KCNQ1: variants seen among roughly 807,000 people sequenced by gnomAD.
The protein encoded by KCNQ1 is potassium voltage-gated channel subfamily KQT member 1.
Under a neutral mutation model 72.4 loss-of-function variants are expected in KCNQ1, and 49 were observed. The observed-to-expected ratio is 0.68, with a 90% confidence interval of 0.54 to 0.86. The LOEUF is 0.86. Among genes scored for constraint, KCNQ1 ranks in the 40% least tolerant of loss-of-function variants. The pLI is 0.00. For synonymous variants in KCNQ1, 450 were observed against 412.6 expected, an observed-to-expected ratio of 1.09 and a Z score of -1.10; for missense variants, 790 against 945.1, an observed-to-expected ratio of 0.84 and a Z score of 2.15.
At chr11:2,777,569 G>C (rs144568623) in intron 14 of KCNQ1, 31 of 553,510 alleles carry the variant, frequency 5.6e-5, no homozygotes, top group Non-Finnish European at 9.5e-6. Flanking sequence ...CCCTAGCCCA[G>C]ATGCAAACAG....
intron 11 of KCNQ1, among the ~76,000 whole-genome samples, chr11:2,741,990 C>T (rs1810408052): frequency 6.6e-6 from 1 of 152,256 alleles, no homozygotes; most frequent in Admixed American, 6.5e-5. Context: ...TTGTAACCCC[C>T]AGAACTCTTG....
At chr11:2,841,851 G>C (rs1263671118) in intron 15 of KCNQ1, among the ~76,000 whole-genome samples, 1 of 152,198 alleles carries the variant, frequency 6.6e-6, no homozygotes, top group African/African-American at 2.4e-5. Flanking sequence ...GCAGCAGGGG[G>C]AAGGGTCTTT....
Position 2,815,043 on chromosome 11 carries a change from T to A in KCNQ1, c.1795-32724T>A, listed in dbSNP as rs1330476017. The stretch of plus-strand genomic sequence containing the variant: ...GGCCTCATGCACTGTGGGCAGGAGT[T>A]GTCCTAGCAACCATCATCCAGGCAC... On this transcript the variant is annotated intron_variant, in intron 15 of 15. Transcript: ENST00000155840. The surrounding 1 kb of genome is among the most constrained non-coding windows in gnomAD (Gnocchi z 5.4). 6.6e-6 allele frequency among the ~76,000 whole-genome samples: 1 copy of A among 152,212 alleles called. No individual in the cohort carries two copies. Among genetic ancestry groups the A allele is most frequent in the African/African-American group, 2.4e-5 (1 of 41,446 alleles).
intron 6 of KCNQ1, among the ~76,000 whole-genome samples, chr11:2,582,006 G>T (rs991129316): frequency 6.6e-6 from 1 of 152,208 alleles, no homozygotes; most frequent in Non-Finnish European, 1.5e-5. Flanking sequence ...GTGCGGTCAG[G>T]GCACTAGTGG....
intron 11 of KCNQ1, among the ~76,000 whole-genome samples, chr11:2,728,796 C>A (rs1845806312): frequency 6.6e-6 from 1 of 152,202 alleles, no homozygotes; most frequent in Non-Finnish European, 1.5e-5. Context: ...GTCCTGGCAG[C>A]CCTTGGCCCC....
Position 2,671,644 on chromosome 11 carries a change from CTGCT to C in KCNQ1, c.1514+9564_1514+9567del. 2.5e-6 allele frequency: 1 copy of C among 397,432 alleles called. No homozygotes were observed. The highest frequency in any genetic ancestry group is 4.4e-6 in the Non-Finnish European group (1 of 225,800). 24.6% of individuals were successfully genotyped at this position (397,432 alleles called of 1,614,324 possible). ...TGCCACAGCAGTGTCCTGTGGTGCC[CTGCT>C]GGGGAAACTGAGGCAGAGAGCAGGG... On this transcript the variant is annotated intron_variant, in intron 11 of 15. Coordinates refer to ENST00000155840, the MANE Select transcript of KCNQ1 (RefSeq NM_000218.3). This position sits in a 1 kb window ranked among gnomAD's most constrained non-coding sequence, Gnocchi z 4.7.
rs1197316887 is a variant in KCNQ1, at chr11:2,827,728, A to T, written c.1795-20039A>T. ...CATGTGGCTTGGAGGCCAGACCAGA[A>T]GGACTCAGATAGGAGTTGGGCGCTT... On this transcript the variant is annotated intron_variant, in intron 15 of 15. Transcript: ENST00000155840. The surrounding 1 kb of genome is among the most constrained non-coding windows in gnomAD (Gnocchi z 6.7). 6.6e-6 allele frequency among the ~76,000 whole-genome samples: 1 copy of T among 152,122 alleles called. No homozygotes were observed. Among genetic ancestry groups the T allele is most frequent in the Non-Finnish European group, 1.5e-5 (1 of 68,018 alleles).
chr11:2,656,691 T>G lies in KCNQ1; in HGVS notation c.1394-5270T>G, dbSNP rs541210107. 563 of 398,538 alleles carry G rather than the reference T, an allele frequency of 1.4e-3. 3 individuals carry two copies. Among genetic ancestry groups the G allele is most frequent in the African/African-American group, 0.01 (491 of 48,734 alleles). 24.7% of individuals were successfully genotyped at this position (398,538 alleles called of 1,614,324 possible). On this transcript the variant is annotated intron_variant, in intron 10 of 15. Coordinates refer to ENST00000155840, the MANE Select transcript of KCNQ1 (RefSeq NM_000218.3). ...TTGTGGGCACTGTCTTTTCACTCTT[T>G]AAGGTGTATTTTGATGATTGGGTCT...
chr11:2,509,846 T>C lies in KCNQ1; in HGVS notation c.387-18082T>C, dbSNP rs916427402. Among the ~76,000 whole-genome samples the C allele has an allele frequency of 8.5e-5, 13 of 152,052 alleles. No individual in the cohort carries two copies. Among genetic ancestry groups the C allele is most frequent in the African/African-American group, 3.1e-4 (13 of 41,372 alleles). On this transcript the variant is annotated intron_variant, in intron 1 of 15. Transcript: ENST00000155840. This position sits in a 1 kb window ranked among gnomAD's most constrained non-coding sequence, Gnocchi z 6.3. ...GAACCCTGGCGGGGCCGGCCAATGG[T>C]GGCGTGATGCAGCCTGGCTTGGGAA...
At chr11:2,522,205 G>GCCCC (rs369303724) in intron 1 of KCNQ1, among the ~76,000 whole-genome samples, 3 of 151,822 alleles carry the variant, frequency 2.0e-5, no homozygotes, top group Non-Finnish European at 4.4e-5. Context: ...GCAGCTCCCC[G>GCCCC]CCCCCCGCAT....
intron 1 of KCNQ1, among the ~76,000 whole-genome samples, chr11:2,517,075 G>A (rs960384043): frequency 1.3e-5 from 2 of 152,198 alleles, no homozygotes; most frequent in Admixed American, 6.5e-5. Flanking sequence ...CAGGCTCCAC[G>A]CTCCGCACTG....
chr11:2,640,185 C>T (rs1167287027), intron 10 of KCNQ1: 2 of 389,416 alleles, frequency 5.1e-6, no homozygotes, highest in Non-Finnish European at 9.1e-6. Context: ...CCTACTTCGT[C>T]TCACACTCAG....
chr11:2,569,317 G>C (rs1007256311), intron 2 of KCNQ1, among the ~76,000 whole-genome samples: 2 of 152,236 alleles, frequency 1.3e-5, no homozygotes, highest in African/African-American at 4.8e-5. Flanking sequence ...AGCTCCCAGC[G>C]TGTCTCCCCT....
rs1043225204 is a variant in KCNQ1, at chr11:2,564,492, G to T, written c.478-6136G>T. 6.6e-6 allele frequency among the ~76,000 whole-genome samples: 1 copy of T among 152,162 alleles called. No homozygotes were observed. Reference sequence around the variant, plus strand: ...GTGCCTCTAATCCAGCTACTCAGGGGGCTGAGGCAGGAGAATCACTTGAAC... The same window carrying T: ...GTGCCTCTAATCCAGCTACTCAGGGTGCTGAGGCAGGAGAATCACTTGAAC... On this transcript the variant is annotated intron_variant, in intron 2 of 15. Coordinates refer to ENST00000155840, the MANE Select transcript of KCNQ1 (RefSeq NM_000218.3). The surrounding 1 kb of genome is among the most constrained non-coding windows in gnomAD (Gnocchi z 4.5).
rs1850848990 is a variant in KCNQ1, at chr11:2,703,217, C to T, written c.1514+41136C>T. 6.6e-6 allele frequency among the ~76,000 whole-genome samples: 1 copy of T among 152,130 alleles called. No homozygotes were observed. The highest frequency in any genetic ancestry group is 2.4e-5 in the African/African-American group (1 of 41,436). The stretch of plus-strand genomic sequence containing the variant: ...CGGCCAGCTCCCTTTCTGAATTGTT[C>T]TGTGGGTTGTGGAAGGCTTTGAAAT... On this transcript the variant is annotated intron_variant, in intron 11 of 15. Coordinates refer to ENST00000155840, the MANE Select transcript of KCNQ1 (RefSeq NM_000218.3). This position sits in a 1 kb window ranked among gnomAD's most constrained non-coding sequence, Gnocchi z 6.4.
chr11:2,535,362 C>T (rs887197202), intron 2 of KCNQ1, among the ~76,000 whole-genome samples: 23 of 152,202 alleles, frequency 1.5e-4, no homozygotes, highest in African/African-American at 4.3e-4. Flanking sequence ...AGGCTCCTCC[C>T]GGGTCAGGGT....
In KCNQ1 at chr11:2,603,249, C is replaced by G. The variant is rs572552947; in HGVS notation, c.1393+14395C>G. On this transcript the variant is annotated intron_variant, in intron 10 of 15. Coordinates refer to ENST00000155840, the MANE Select transcript of KCNQ1 (RefSeq NM_000218.3). The surrounding 1 kb of genome is among the most constrained non-coding windows in gnomAD (Gnocchi z 4.1). ...TATTAAGTGTGCAATAGCCCCATGTCTAAGAAAACAATGTGCCTACCTTAA... is the reference window on the plus strand; with the variant it reads ...TATTAAGTGTGCAATAGCCCCATGTGTAAGAAAACAATGTGCCTACCTTAA... Among the ~76,000 whole-genome samples the G allele has an allele frequency of 6.6e-6, 1 of 152,228 alleles. No individual in the cohort carries two copies. Among genetic ancestry groups the G allele is most frequent in the African/African-American group, 2.4e-5 (1 of 41,524 alleles).
chr11:2,690,946 T>C lies in KCNQ1; in HGVS notation c.1514+28865T>C, dbSNP rs1202782410. 2.5e-6 allele frequency: 1 copy of C among 398,632 alleles called. No homozygotes were observed. Among genetic ancestry groups the C allele is most frequent in the Non-Finnish European group, 4.4e-6 (1 of 226,068 alleles). 24.7% of individuals were successfully genotyped at this position (398,632 alleles called of 1,614,324 possible). On this transcript the variant is annotated intron_variant, in intron 11 of 15. Transcript: ENST00000155840. This position sits in a 1 kb window ranked among gnomAD's most constrained non-coding sequence, Gnocchi z 5.1. ...GCTTTAAGCCAACCTGAAAGGTTCA[T>C]TTGGGAGTCACGGGTATGTGTCAAC...
chr11:2,713,670 TGCGG>T lies in KCNQ1; in HGVS notation c.1514+51592_1514+51595del, dbSNP rs1251457025. Among the ~76,000 whole-genome samples the T allele has an allele frequency of 6.6e-6, 1 of 152,212 alleles. No homozygotes were observed. The highest frequency in any genetic ancestry group is 1.5e-5 in the Non-Finnish European group (1 of 68,036). On this transcript the variant is annotated intron_variant, in intron 11 of 15. Coordinates refer to ENST00000155840, the MANE Select transcript of KCNQ1 (RefSeq NM_000218.3). This position sits in a 1 kb window ranked among gnomAD's most constrained non-coding sequence, Gnocchi z 5.6. ...TTCTGGAGGCCACAGCCACAGGCTC[TGCGG>T]GCCTCTGGCCGAGCTGGGTTGCAGG...
Sources: gnomAD v4.1 joint callset for allele counts (sites outside exome capture counted in the v4.1 genomes callset) on GRCh38, gnomAD v4.1.1 for gene constraint, Gnocchi (gnomAD v3.1) non-coding constraint, MANE v1.5 for transcripts, NCBI Gene and HGNC (gene_info 2026-07-23, HGNC 2026-07-21) for gene names.